Variants in RMND5A observed in about 807,000 individuals in gnomAD.
The protein encoded by RMND5A is required for meiotic nuclear division 5 homolog A.
RMND5A carries 17 observed loss-of-function variants against 49.7 expected under a neutral mutation model. The ratio of observed to expected loss-of-function variants is 0.34; its 90% CI spans 0.23 to 0.51. The LOEUF is 0.51. Among genes scored for constraint, RMND5A ranks in the 20% least tolerant of loss-of-function variants. The pLI is 0.96. For missense variants in RMND5A, 255 were observed against 471.3 expected (o/e 0.54, Z 4.25); for synonymous variants, 156 against 167.7 (o/e 0.93, Z 0.54).
At chr2:86,770,673 C>A (rs1006661482) in intron 7 of RMND5A, among the ~76,000 whole-genome samples, 3 of 152,210 alleles carry the variant, frequency 2.0e-5, no homozygotes, top group Non-Finnish European at 4.4e-5. Flanking sequence ...TCTAGAACTT[C>A]TCTAAGCAGT....
intron 2 of RMND5A, among the ~76,000 whole-genome samples, chr2:86,749,364 A>T (rs1358377031): frequency 2.6e-5 from 4 of 151,766 alleles, no homozygotes; most frequent in African/African-American, 9.7e-5. Context: ...TTGCTTTAGC[A>T]TCTAGGTACT....
Position 86,773,384 on chromosome 2 carries a change from A to G in RMND5A, c.1149A>G (p.Pro383=), listed in dbSNP as rs771437156. 18 of 1,608,690 alleles carry G rather than the reference A, an allele frequency of 1.1e-5. No homozygotes were observed. In the South Asian group the frequency reaches 1.9e-4, roughly 17 times the overall value. Residue 383 remains proline, a synonymous_variant, in exon 9 of 9, where the codon CCA becomes CCG. Coordinates refer to ENST00000283632, the MANE Select transcript of RMND5A (RefSeq NM_022780.4). ...KCPYCPMEQS[P]GDAKQIFF ...CCTACTGTCCAATGGAACAAAGTCC[A>G]GGAGATGCCAAACAGATATTTTTCT...
chr2:86,728,520 T>A (rs1681304531), intron 1 of RMND5A, among the ~76,000 whole-genome samples: 1 of 79,848 alleles, frequency 1.3e-5, no homozygotes, highest in Non-Finnish European at 2.6e-5. Flanking sequence ...GCTAGGCGGA[T>A]CTTGAACTCC....
intron 3 of RMND5A, 60 bp from the exon 4 acceptor site, chr2:86,753,398 C>T: frequency 1.0e-6 from 1 of 960,728 alleles, no homozygotes; most frequent in Non-Finnish European, 1.6e-6. Flanking sequence ...TATACTTTTA[C>T]CACTAGCTCC....
At chr2:86,763,747 G>A (rs1304188975) in intron 4 of RMND5A, among the ~76,000 whole-genome samples, 1 of 151,916 alleles carries the variant, frequency 6.6e-6, no homozygotes, top group Non-Finnish European at 1.5e-5. Flanking sequence ...CTGCACAGAA[G>A]CCTGGGTGGC....
intron 1 of RMND5A, among the ~76,000 whole-genome samples, chr2:86,737,509 T>C (rs1681408779): frequency 1.1e-5 from 1 of 88,524 alleles, no homozygotes. Flanking sequence ...CTCAGTTCTT[T>C]TATCACTTCT....
intron 2 of RMND5A, among the ~76,000 whole-genome samples, chr2:86,746,213 C>T (rs1466106624): frequency 6.6e-6 from 1 of 152,202 alleles, no homozygotes; most frequent in Non-Finnish European, 1.5e-5. Flanking sequence ...TTAAACTGTG[C>T]TAGCTAATCC....
At chr2:86,752,262 C>T (rs912182938) in intron 3 of RMND5A, among the ~76,000 whole-genome samples, 2 of 151,956 alleles carry the variant, frequency 1.3e-5, no homozygotes, top group Admixed American at 6.6e-5. Context: ...TGTTCCTGTC[C>T]CAGAAGGTTA....
At chr2:86,762,680 C>G (rs1203702997) in intron 4 of RMND5A, among the ~76,000 whole-genome samples, 4 of 96,654 alleles carry the variant, frequency 4.1e-5, no homozygotes, top group South Asian at 3.1e-4. Flanking sequence ...ATATATATAT[C>G]ATATATATAT....
In RMND5A at chr2:86,745,462, T is replaced by A. The variant is rs1270904820; in HGVS notation, c.285+4393T>A. ...CAGAACAGTGAGATGAGATTTTTCC[T>A]TGAGGCTCGGAAAGGGCAAAACAGC... On this transcript the variant is annotated intron_variant, in intron 2 of 8. Coordinates refer to ENST00000283632, the MANE Select transcript of RMND5A (RefSeq NM_022780.4). 2.6e-5 allele frequency among the ~76,000 whole-genome samples: 4 copies of A among 152,192 alleles called. No homozygotes were observed. The South Asian group carries it at 8.3e-4, about 32-fold the overall frequency.
chr2:86,765,310 A>G, intron 5 of RMND5A, 117 bp downstream of exon 5: 1 of 900,520 alleles, frequency 1.1e-6, no homozygotes, highest in Non-Finnish European at 1.6e-6. Flanking sequence ...GTAGTTGATA[A>G]TCACTTACAG....
At chr2:86,753,620 A>G (rs1407319087) in intron 4 of RMND5A, 62 bp downstream of exon 4, 17 of 795,196 alleles carry the variant, frequency 2.1e-5, no homozygotes, top group Non-Finnish European at 2.9e-5. Context: ...AAACTCAATC[A>G]GAAAACACAT....
At chr2:86,748,953 T>G (rs918614007) in intron 2 of RMND5A, among the ~76,000 whole-genome samples, 2 of 152,248 alleles carry the variant, frequency 1.3e-5, no homozygotes, top group African/African-American at 4.8e-5. Flanking sequence ...GAGAACTTTC[T>G]TAATTCATCT....
intron 2 of RMND5A, among the ~76,000 whole-genome samples, chr2:86,751,025 A>G (rs1681625337): frequency 6.6e-6 from 1 of 152,114 alleles, no homozygotes; most frequent in African/African-American, 2.4e-5. Context: ...TCTGTTGATC[A>G]TCTTTTTCCA....
At chr2:86,741,443 C>T (rs1300557018) in intron 2 of RMND5A, among the ~76,000 whole-genome samples, 6 of 151,620 alleles carry the variant, frequency 4.0e-5, no homozygotes, top group African/African-American at 1.5e-4. Context: ...GACTCTGTCT[C>T]TGTTATGGGA....
At chr2:86,747,428 G>GTAT (rs2104393817) in intron 2 of RMND5A, among the ~76,000 whole-genome samples, 3 of 152,286 alleles carry the variant, frequency 2.0e-5, no homozygotes, top group Non-Finnish European at 4.4e-5. Context: ...ATGCGAAGTA[G>GTAT]CTATCGTCTG....
intron 2 of RMND5A, among the ~76,000 whole-genome samples, chr2:86,749,017 T>C (rs1192321740): frequency 3.3e-5 from 5 of 152,200 alleles, no homozygotes; most frequent in South Asian, 4.1e-4. Context: ...TATGGGCAGG[T>C]TCCTGAGTTT....
chr2:86,765,913 C>T lies in RMND5A; in HGVS notation c.743C>T (p.Ser248Leu). The change falls in exon 6 of 9, where the codon TCA (serine) becomes TTA (leucine). Residue 248 changes from serine to leucine, a missense_variant. Transcript: ENST00000283632. ...LVYLRQGIEN[S>L]PYVHLLDANQ... ...TACCTGAGACAAGGGATTGAGAACTCACCATATGTTCACCTACTTGATGCA... is the reference window on the plus strand; with the variant it reads ...TACCTGAGACAAGGGATTGAGAACTTACCATATGTTCACCTACTTGATGCA... The T allele has an allele frequency of 6.2e-7, 1 of 1,614,126 alleles. No homozygotes were observed. The highest frequency in any genetic ancestry group is 1.1e-5 in the South Asian group (1 of 91,078).
chr2:86,729,307 A>C (rs919608109), intron 1 of RMND5A, among the ~76,000 whole-genome samples: 1 of 152,006 alleles, frequency 6.6e-6, no homozygotes, highest in Non-Finnish European at 1.5e-5. Flanking sequence ...GTGAAGAGAG[A>C]GAGCCCTTAG....
Sources: allele counts gnomAD v4.1 joint callset (sites outside exome capture counted in the v4.1 genomes callset), GRCh38; gene constraint gnomAD v4.1.1; transcripts MANE v1.5; gene names NCBI Gene and HGNC (gene_info 2026-07-23, HGNC 2026-07-21).